Variants in MOBP observed in about 807,000 individuals in gnomAD.
MOBP encodes the protein myelin associated oligodendrocyte basic protein.
MOBP carries 5 observed loss-of-function variants against 15.0 expected under a neutral mutation model. The ratio of observed to expected loss-of-function variants is 0.33; its 90% CI spans 0.17 to 0.70. The LOEUF is 0.70. Among genes scored for constraint, MOBP ranks in the 30% least tolerant of loss-of-function variants. The pLI is 0.67. For synonymous variants in MOBP, 88 were observed against 99.0 expected (o/e 0.89, Z 0.66); for missense variants, 188 against 257.8 (o/e 0.73, Z 1.85).
intron 2 of MOBP, among the ~76,000 whole-genome samples, chr3:39,486,818 G>T (rs144875433): frequency 6.6e-6 from 1 of 151,644 alleles, no homozygotes; most frequent in East Asian, 1.9e-4. Context: ...TGATTTGTAC[G>T]AGTTCTTTAA....
chr3:39,522,617 C>A (rs955823144), intron 3 of MOBP, among the ~76,000 whole-genome samples: 1 of 152,110 alleles, frequency 6.6e-6, no homozygotes, highest in Non-Finnish European at 1.5e-5. Flanking sequence ...ACAGACTTTG[C>A]CTAGAAATGT....
At chr3:39,496,734 G>T (rs780248664) in intron 2 of MOBP, among the ~76,000 whole-genome samples, 12 of 151,786 alleles carry the variant, frequency 7.9e-5, no homozygotes, top group Non-Finnish European at 1.8e-4. Flanking sequence ...TGCAATCTCG[G>T]CTCACCACAA....
intron 2 of MOBP, among the ~76,000 whole-genome samples, chr3:39,487,518 C>CTTTTTTTTTTT (rs1216386382): frequency 9.8e-6 from 1 of 102,498 alleles, no homozygotes; most frequent in Non-Finnish European, 2.0e-5. Context: ...AATTTTCTTT[C>CTTTTTTTTTTT]TTTTTTTTTT....
downstream of MOBP, among the ~76,000 whole-genome samples, chr3:39,516,508 A>G (rs577865341): frequency 3.3e-5 from 5 of 152,018 alleles, no homozygotes; most frequent in African/African-American, 1.2e-4. Flanking sequence ...TGTGGTTTTG[A>G]TTTCCTCTGT....
chr3:39,472,134 T>G (rs1051795575), intron 1 of MOBP, among the ~76,000 whole-genome samples: 1 of 152,230 alleles, frequency 6.6e-6, no homozygotes, highest in Non-Finnish European at 1.5e-5. Context: ...GTTTTATCAT[T>G]GTGGAGATAG....
At chr3:39,486,171 A>G (rs950857771) in intron 2 of MOBP, among the ~76,000 whole-genome samples, 2 of 152,142 alleles carry the variant, frequency 1.3e-5, no homozygotes, top group African/African-American at 2.4e-5. Context: ...CATACATTCT[A>G]GTTTACCTTG....
At chr3:39,476,590 T>G (rs77392767) in intron 1 of MOBP, among the ~76,000 whole-genome samples, 2 of 152,342 alleles carry the variant, frequency 1.3e-5, no homozygotes, top group East Asian at 3.9e-4. Context: ...TGTAGGATTA[T>G]CTACACTATT....
chr3:39,468,359 G>A (rs1387191784), intron 1 of MOBP, among the ~76,000 whole-genome samples: 1 of 152,156 alleles, frequency 6.6e-6, no homozygotes, highest in African/African-American at 2.4e-5. Flanking sequence ...AATATTATGT[G>A]TCAGGGAGGC....
chr3:39,475,631 CAA>C (rs1268312975), intron 1 of MOBP, among the ~76,000 whole-genome samples: 1 of 152,142 alleles, frequency 6.6e-6, no homozygotes, highest in Non-Finnish European at 1.5e-5. Flanking sequence ...ATAAGCCCAA[CAA>C]TATTTATTTT....
rs763986350 is a variant in MOBP, at chr3:39,502,543, G to A, written c.215G>A (p.Arg72His). The change falls in exon 4 of 4, where the codon CGC (arginine) becomes CAC (histidine). Residue 72 changes from arginine (R) to histidine (H), a missense_variant. Arg to His is a conservative substitution (Grantham distance 29, BLOSUM62 0). This residue lies in a region of MOBP where 133 missense variants were observed against 212.5 expected (regional missense o/e 0.63). Coordinates refer to ENST00000684792, the MANE Select transcript of MOBP (RefSeq NM_001393704.1). This position sits in a 1 kb window ranked among gnomAD's most constrained non-coding sequence, Gnocchi z 6.3. The stretch of plus-strand genomic sequence containing the variant: ...TCTTTTGGCCCTCTCAGAACCAGCC[G>A]CCGTGCCAAGTCCCCTCAGAGGCCC... ...CCACQKTRTSRRAKSPQRPKQ... is the reference protein window; with the variant it reads ...CCACQKTRTSHRAKSPQRPKQ... The A allele has an allele frequency of 5.1e-6, 8 of 1,578,682 alleles. No homozygotes were observed. In the Admixed American group the frequency reaches 5.3e-5, roughly 10 times the overall value.
At chr3:39,520,948 C>CT (rs561522506), downstream of MOBP, among the ~76,000 whole-genome samples, 44,162 of 147,484 alleles carry the variant, frequency 0.3, 8,125 homozygotes, top group African/African-American at 0.54. Flanking sequence ...GCTCTATATT[C>CT]TTTTTTTTTT....
chr3:39,522,109 A>G (rs1395174511), intron 3 of MOBP, among the ~76,000 whole-genome samples: 3 of 152,204 alleles, frequency 2.0e-5, no homozygotes, highest in South Asian at 2.1e-4. Flanking sequence ...AGAGAAAGCA[A>G]CCTGGAAACA....
chr3:39,519,082 G>T (rs2043236144), downstream of MOBP, among the ~76,000 whole-genome samples: 1 of 152,102 alleles, frequency 6.6e-6, no homozygotes, highest in African/African-American at 2.4e-5. Context: ...TCTTAGGAAG[G>T]CAGCATCTCT....
At chr3:39,489,793 G>T (rs1163501995) in intron 2 of MOBP, among the ~76,000 whole-genome samples, 1 of 152,124 alleles carries the variant, frequency 6.6e-6, no homozygotes, top group East Asian at 1.9e-4. Context: ...CCACATTGAC[G>T]GTTAACTGGC....
At chr3:39,504,077 A>C (rs2125658822), downstream of MOBP, among the ~76,000 whole-genome samples, 1 of 152,230 alleles carries the variant, frequency 6.6e-6, no homozygotes, top group East Asian at 1.9e-4. Flanking sequence ...AGGTAAAGAA[A>C]TGTGGAGAGT....
At chr3:39,518,322 TAA>T (rs1468389226), downstream of MOBP, among the ~76,000 whole-genome samples, 1 of 152,178 alleles carries the variant, frequency 6.6e-6, no homozygotes, top group Non-Finnish European at 1.5e-5. Flanking sequence ...GTGAGTTTCC[TAA>T]GTTTCTTCAG....
chr3:39,495,647 A>C (rs1047045048), intron 2 of MOBP, among the ~76,000 whole-genome samples: 7 of 149,858 alleles, frequency 4.7e-5, no homozygotes, highest in Admixed American at 2.7e-4. Flanking sequence ...CAGCTACTTG[A>C]GAGGCTGAGG....
chr3:39,469,242 A>G lies in MOBP; in HGVS notation c.-89+1502A>G, dbSNP rs1052448369. Among the ~76,000 whole-genome samples, 21 of 144,704 alleles carry G rather than the reference A, an allele frequency of 1.5e-4. 2 individuals are homozygous for G. The highest frequency in any genetic ancestry group is 5.7e-4 in the Admixed American group (8 of 14,130). 94.9% of individuals were successfully genotyped at this position (144,704 alleles called of 152,430 possible). On this transcript the variant is annotated intron_variant, in intron 1 of 3. Transcript: ENST00000684792. ...TATACATATATACATATGTGTGTGT[A>G]TATATACATATATGTGTGTGTATAT...
chr3:39,515,347 C>T (rs2039843), exon 5 of MOBP: 92,318 of 152,066 alleles, frequency 0.61, 32,384 homozygotes, highest in Non-Finnish European at 0.77. Context: ...TGTTTTGGGC[C>T]CAAACTTAGC....
Sources: allele counts gnomAD v4.1 joint callset (sites outside exome capture counted in the v4.1 genomes callset), GRCh38; gene constraint gnomAD v4.1.1; regional missense constraint gnomAD v4.1.1; non-coding constraint Gnocchi (gnomAD v3.1); transcripts MANE v1.5; gene names NCBI Gene and HGNC (gene_info 2026-07-23, HGNC 2026-07-21).